Variants in TUBGCP3 observed in about 807,000 individuals in gnomAD.
TUBGCP3 encodes the protein tubulin gamma complex component 3, also known as gamma-tubulin complex component 3.
TUBGCP3 carries 50 observed loss-of-function variants against 123.1 expected under a neutral mutation model. The observed-to-expected ratio is 0.41, with a 90% CI of 0.32 to 0.51. The LOEUF (loss-of-function observed/expected upper bound fraction) is 0.51. TUBGCP3 is among the 20% of genes least tolerant of loss of function. TUBGCP3 has a pLI of 0.36. For synonymous variants in TUBGCP3, 405 were observed against 413.9 expected, an observed-to-expected ratio of 0.98 and a Z score of 0.26; for missense variants, 882 against 1,127.0, an observed-to-expected ratio of 0.78 and a Z score of 3.11.
intron 3 of TUBGCP3, 136 bp from the exon 4 acceptor site, chr13:112,559,535 A>G (rs1322332353): frequency 3.2e-5 from 23 of 730,100 alleles, no homozygotes; most frequent in Non-Finnish European, 4.3e-5. Flanking sequence ...CTAACAATTC[A>G]TAAGTATTTT....
rs1339611288 is a variant in TUBGCP3 at position 112,540,816 on chromosome 13, A to G, written c.1335+4883T>C. Among the ~76,000 whole-genome samples, 3 of 152,384 alleles carry G rather than the reference A, an allele frequency of 2.0e-5. No homozygotes were observed. In the East Asian group the frequency reaches 5.8e-4, roughly 29 times the overall value. On this transcript the variant is annotated intron_variant, in intron 11 of 21. Transcript: ENST00000261965. Reference sequence around the variant, plus strand: ...TCTAAAATTAAATCAAAAGGAAAACATTTAAAAGTGAAAATCTTTGCCAAT... The same window carrying G: ...TCTAAAATTAAATCAAAAGGAAAACGTTTAAAAGTGAAAATCTTTGCCAAT...
Position 112,491,236 on chromosome 13 carries a change from T to C in TUBGCP3, c.2449-1539A>G, listed in dbSNP as rs891814279. Reference sequence around the variant, plus strand: ...TCCAACTTTTTGAGTGGGATGTTTATTTACTTTCATTCTCTCCAATTTATT... The same window carrying C: ...TCCAACTTTTTGAGTGGGATGTTTACTTACTTTCATTCTCTCCAATTTATT... On this transcript the variant is annotated intron_variant, in intron 20 of 21. Coordinates refer to ENST00000261965, the MANE Select transcript of TUBGCP3 (RefSeq NM_006322.6). Among the ~76,000 whole-genome samples, 15 of 152,262 alleles carry C rather than the reference T, an allele frequency of 9.9e-5. No individual in the cohort carries two copies. In the East Asian group the frequency reaches 2.1e-3, roughly 21 times the overall value.
At position 112,522,495 on chromosome 13, in the gene TUBGCP3, T is replaced by G; in HGVS notation, c.1570A>C (p.Thr524Pro). Residue 524 changes from threonine (T) to proline (P), a missense_variant, in exon 14 of 22, where the codon ACA becomes CCA. By Grantham distance (38) the Thr-to-Pro change is conservative. This residue lies in a region of TUBGCP3 where 713 missense variants were observed against 874.0 expected (regional missense o/e 0.82). Transcript: ENST00000261965. Reference sequence around the variant, plus strand: ...CCCTGAAATGCATTTTCCAAGTCTGTGAATAGGTCTGCAGCTGTAAAGAAC... The same window carrying G: ...CCCTGAAATGCATTTTCCAAGTCTGGGAATAGGTCTGCAGCTGTAAAGAAC... ...ESPQDAADLF[T>P]DLENAFQGKI... The G allele has an allele frequency of 6.2e-7, 1 of 1,612,982 alleles. No individual in the cohort carries two copies. Among genetic ancestry groups the G allele is most frequent in the Non-Finnish European group, 8.5e-7 (1 of 1,179,058 alleles).
At position 112,587,803 on chromosome 13, in the gene TUBGCP3, C is replaced by A. The variant is rs892536215; in HGVS notation, c.76+102G>T. On this transcript the variant is annotated intron_variant, in intron 1 of 21. Coordinates refer to ENST00000261965, the MANE Select transcript of TUBGCP3 (RefSeq NM_006322.6). Reference sequence around the variant, plus strand: ...CCGTCCCCCAGCCCTCTGCCCGGCCCTGCATCCTCGTTCCTCCAGCCCCGG... The same window carrying A: ...CCGTCCCCCAGCCCTCTGCCCGGCCATGCATCCTCGTTCCTCCAGCCCCGG... 3.7e-6 allele frequency: 4 copies of A among 1,095,358 alleles called. No homozygotes were observed. The African/African-American group carries it at 5.0e-5, about 14-fold the overall frequency. 67.9% of individuals were successfully genotyped at this position (1,095,358 alleles called of 1,614,324 possible).
intron 17 of TUBGCP3, among the ~76,000 whole-genome samples, chr13:112,512,339 A>G (rs1398996396): frequency 6.6e-6 from 1 of 151,372 alleles, no homozygotes. Context: ...GAGGAATGAG[A>G]ATCGCTTGAT....
At chr13:112,525,568 C>T (rs1026501431) in intron 13 of TUBGCP3, among the ~76,000 whole-genome samples, 5 of 152,192 alleles carry the variant, frequency 3.3e-5, no homozygotes, top group South Asian at 2.1e-4. Context: ...ATAGCAAATA[C>T]AGCCAAAACT....
chr13:112,587,669 C>T (rs918337826), intron 1 of TUBGCP3, among the ~76,000 whole-genome samples: 1 of 152,132 alleles, frequency 6.6e-6, no homozygotes, highest in East Asian at 1.9e-4. Flanking sequence ...CTTGGCCTCT[C>T]CACTCCCTCC....
At chr13:112,597,261 A>G in the TUBGCP3 span, among the ~76,000 whole-genome samples, 870 of 152,326 alleles carry the variant, frequency 5.7e-3, 6 homozygotes, top group African/African-American at 0.02. Context: ...CTGTAAATAG[A>G]TTGTCCTCTT....
chr13:112,504,091 C>T lies in TUBGCP3; in HGVS notation c.2248G>A (p.Ala750Thr). Reference protein sequence around the residue: ...QAQDLDHIIAAHEVFLDTIIS... With the variant: ...QAQDLDHIIATHEVFLDTIIS... ...ATGGTGTCTAAGAACACCTCGTGTG[C>T]AGCAATGATGTGATCCAAATCCTGG... The change falls in exon 19 of 22, where the codon GCA (alanine) becomes ACA (threonine). Residue 750 changes from alanine to threonine, a missense_variant. Around this residue, in one of 3 missense-constraint regions of TUBGCP3, gnomAD observed 160 missense variants for 220.3 expected, o/e 0.73. Coordinates refer to ENST00000261965, the MANE Select transcript of TUBGCP3 (RefSeq NM_006322.6). 6.2e-7 allele frequency: 1 copy of T among 1,614,108 alleles called. No individual in the cohort carries two copies. Among genetic ancestry groups the T allele is most frequent in the Non-Finnish European group, 8.5e-7 (1 of 1,180,002 alleles).
At position 112,527,058 on chromosome 13, in the gene TUBGCP3, G is replaced by A. The variant is rs1435602301; in HGVS notation, c.1447-8C>T. On this transcript the variant is annotated splice_region_variant and splice_polypyrimidine_tract_variant and intron_variant, in intron 12 of 21. Coordinates refer to ENST00000261965, the MANE Select transcript of TUBGCP3 (RefSeq NM_006322.6). ...TTTTCCTATCAAAAGGACCTAAAAAGAAAAACATTCTATGATTACTTTTAT... is the reference window on the plus strand; with the variant it reads ...TTTTCCTATCAAAAGGACCTAAAAAAAAAAACATTCTATGATTACTTTTAT... The A allele has an allele frequency of 3.2e-6, 5 of 1,584,534 alleles. No individual in the cohort carries two copies. Among genetic ancestry groups the A allele is most frequent in the Non-Finnish European group, 4.3e-6 (5 of 1,158,058 alleles).
At chr13:112,520,113 A>G in intron 14 of TUBGCP3, 92 bp from the exon 15 acceptor site, 1 of 1,299,436 alleles carries the variant, frequency 7.7e-7, no homozygotes, top group Admixed American at 2.4e-5. Flanking sequence ...AAGAGTTCAA[A>G]TTATAAAAAC....
chr13:112,507,821 A>G (rs1356203449), intron 17 of TUBGCP3, among the ~76,000 whole-genome samples: 1 of 152,178 alleles, frequency 6.6e-6, no homozygotes. Flanking sequence ...GCTTCAAATC[A>G]GTCTGAAAGT....
rs1044256970 is a variant in TUBGCP3 at position 112,580,859 on chromosome 13, C to T, written c.76+7046G>A. ...TTTAGATCAGCAAATCCTGTTGATT[C>T]TATTTCTAAAAGCATATCCCAAATA... On this transcript the variant is annotated intron_variant, in intron 1 of 21. Transcript: ENST00000261965. Among the ~76,000 whole-genome samples, 4 of 152,176 alleles carry T rather than the reference C, an allele frequency of 2.6e-5. No individual in the cohort carries two copies. In the East Asian group the frequency reaches 5.8e-4, roughly 22 times the overall value.
chr13:112,548,483 T>C (rs1165999533), intron 8 of TUBGCP3, among the ~76,000 whole-genome samples: 1 of 152,122 alleles, frequency 6.6e-6, no homozygotes, highest in African/African-American at 2.4e-5. Flanking sequence ...TGATATCCCC[T>C]GTAGATCTAA....
At chr13:112,509,674 C>A (rs974324127) in intron 17 of TUBGCP3, among the ~76,000 whole-genome samples, 2 of 152,200 alleles carry the variant, frequency 1.3e-5, no homozygotes, top group South Asian at 2.1e-4. Flanking sequence ...CAGTGAGAGA[C>A]ATATGGTTGC....
At chr13:112,599,568 G>A in the TUBGCP3 span, among the ~76,000 whole-genome samples, 101 of 152,248 alleles carry the variant, frequency 6.6e-4, no homozygotes, top group African/African-American at 2.2e-3. Flanking sequence ...GTGCAGTGGC[G>A]TGGTCTCGGC....
the TUBGCP3 span, chr13:112,604,989 T>G: frequency 6.6e-6 from 1 of 152,180 alleles, no homozygotes; most frequent in African/African-American, 2.4e-5. Flanking sequence ...CGCTATTACA[T>G]ATAAGAAAGT....
intron 14 of TUBGCP3, chr13:112,521,648 G>C: frequency 1.0e-6 from 1 of 984,116 alleles, no homozygotes; most frequent in Non-Finnish European, 1.2e-6. Context: ...GTCTTAAAGG[G>C]AACATTTATC....
chr13:112,548,993 C>T (rs934403290), intron 8 of TUBGCP3, among the ~76,000 whole-genome samples: 2 of 152,072 alleles, frequency 1.3e-5, no homozygotes, highest in African/African-American at 4.8e-5. Context: ...GGGTATATAC[C>T]CAAAGGACTA....
Sources: gnomAD v4.1 joint callset for allele counts (sites outside exome capture counted in the v4.1 genomes callset) on GRCh38, gnomAD v4.1.1 for gene constraint, gnomAD v4.1.1 regional missense constraint, MANE v1.5 for transcripts, NCBI Gene and HGNC (gene_info 2026-07-23, HGNC 2026-07-21) for gene names.